The following L2HGDH variants were observed in gnomAD, a reference collection of about 807,000 sequenced individuals.
L2HGDH encodes L-2-hydroxyglutarate dehydrogenase.
A neutral mutation model predicts 51.5 loss-of-function variants in L2HGDH; 34 were observed. That is an observed-to-expected ratio of 0.66 (90% CI 0.50 to 0.88). The LOEUF (loss-of-function observed/expected upper bound fraction) is 0.88. Among genes scored for constraint, L2HGDH ranks in the 40% least tolerant of loss-of-function variants. L2HGDH has a pLI of 0.00. For synonymous variants in L2HGDH, 198 were observed against 197.9 expected (o/e 1.00, Z -0.01); for missense variants, 558 against 571.9 (o/e 0.98, Z 0.25).
Position 50,312,204 on chromosome 14 carries a change from A to C in L2HGDH, c.-54T>G. On this transcript the variant is annotated 5_prime_UTR_variant, in exon 1 of 10. Coordinates refer to ENST00000267436, the MANE Select transcript of L2HGDH (RefSeq NM_024884.3). ...CTCAGAAGAAGCCACTTGACCCTCC[A>C]CGGCCGAGGACCCGCGCTCTTTAGC... The C allele has an allele frequency of 3.1e-6, 5 of 1,596,102 alleles. No homozygotes were observed. The highest frequency in any genetic ancestry group is 4.3e-6 in the Non-Finnish European group (5 of 1,174,912).
intron 4 of L2HGDH, among the ~76,000 whole-genome samples, chr14:50,289,983 C>T (rs1471754395): frequency 6.6e-6 from 1 of 151,874 alleles, no homozygotes; most frequent in East Asian, 1.9e-4. Context: ...TCCCTTAAGT[C>T]GGCCAGGCGC....
intron 4 of L2HGDH, chr14:50,287,152 A>G (rs546291928): frequency 1.0e-6 from 1 of 979,068 alleles, no homozygotes; most frequent in Non-Finnish European, 1.2e-6. Context: ...TTACCTATGC[A>G]CACATATCTC....
intron 9 of L2HGDH, among the ~76,000 whole-genome samples, chr14:50,247,786 A>G (rs1177369995): frequency 2.0e-5 from 3 of 152,198 alleles, no homozygotes; most frequent in Non-Finnish European, 4.4e-5. Context: ...CTTGTTTTGC[A>G]GTTTGTTTTT....
intron 4 of L2HGDH, chr14:50,293,409 T>A (rs2029873600): frequency 7.4e-6 from 4 of 541,972 alleles, no homozygotes; most frequent in African/African-American, 3.8e-5. Flanking sequence ...ACATAGAATA[T>A]CTTCTAGACC....
rs2030499388 is a variant in L2HGDH at position 50,302,943 on chromosome 14, G to A, written c.215C>T (p.Pro72Leu). ...ASARALILRH[P>L]SLSIGVLEKE... ...TTCCAGAACACCAATAGAAAGTGAT[G>A]GATGTCGCAGGATGAGTGCTCTGGC... The change falls in exon 2 of 10, where the codon CCA becomes CTA. Residue 72 changes from proline to leucine, a missense_variant. By Grantham distance (98) the Pro-to-Leu change is moderately conservative. Transcript: ENST00000267436. The A allele has an allele frequency of 1.2e-6, 2 of 1,613,708 alleles. No homozygotes were observed. The highest frequency in any genetic ancestry group is 1.7e-6 in the Non-Finnish European group (2 of 1,179,760).
intron 3 of L2HGDH, among the ~76,000 whole-genome samples, chr14:50,299,125 G>A (rs2030255462): frequency 2.0e-5 from 3 of 151,896 alleles, no homozygotes; most frequent in African/African-American, 7.2e-5. Context: ...TAAAATCAGA[G>A]ATGAAAAAAG....
At chr14:50,283,778 A>AT in intron 5 of L2HGDH, 93 bp downstream of exon 5, 1 of 1,036,790 alleles carries the variant, frequency 9.6e-7, no homozygotes. Context: ...TTTCCCAAAT[A>AT]TTTTTCATCC....
intron 7 of L2HGDH, among the ~76,000 whole-genome samples, chr14:50,268,381 GAAAAAAAA>G (rs769880130): frequency 8.8e-5 from 6 of 67,924 alleles, no homozygotes; most frequent in Non-Finnish European, 1.2e-4. Flanking sequence ...TCTGTCTCAG[GAAAAAAAA>G]AAAAAAAAAA....
chr14:50,305,314 G>A lies in L2HGDH; in HGVS notation c.141-2297C>T, dbSNP rs148666340. 3.5e-3 allele frequency among the ~76,000 whole-genome samples: 527 copies of A among 152,302 alleles called. 3 individuals carry two copies. The highest frequency in any genetic ancestry group is 0.012 in the African/African-American group (489 of 41,552). ...TGAATGATGCCCACTTTTAAAAAGA[G>A]AGGGCATAAAAAGAGCAGCACAAGT... On this transcript the variant is annotated intron_variant, in intron 1 of 9. Coordinates refer to ENST00000267436, the MANE Select transcript of L2HGDH (RefSeq NM_024884.3).
At chr14:50,260,462 T>G (rs1477016514) in intron 9 of L2HGDH, among the ~76,000 whole-genome samples, 1 of 152,206 alleles carries the variant, frequency 6.6e-6, no homozygotes, top group African/African-American at 2.4e-5. Flanking sequence ...ATACGTTGAG[T>G]CACACATAAA....
chr14:50,304,662 C>T (rs188432821), intron 1 of L2HGDH, among the ~76,000 whole-genome samples: 1 of 152,208 alleles, frequency 6.6e-6, no homozygotes, highest in Admixed American at 6.5e-5. Context: ...GGTGAAACCC[C>T]ATCTCTACTA....
intron 4 of L2HGDH, among the ~76,000 whole-genome samples, chr14:50,284,453 C>T (rs1890450002): frequency 6.7e-6 from 1 of 149,972 alleles, no homozygotes. Flanking sequence ...ACTTTTTCTT[C>T]AGGTAATACA....
chr14:50,265,486 G>A lies in L2HGDH; in HGVS notation c.1068C>T (p.Gly356=). Reference sequence around the variant, plus strand: ...AATTCTGGGATGCCAGTTTAATCAAGCCACTGAAAACAGAGAAAAAAAATC... The same window carrying A: ...AATTCTGGGATGCCAGTTTAATCAAACCACTGAAAACAGAGAAAAAAAATC... ...TDVMDIIINS[G]LIKLASQNFS... is the part of the protein sequence containing the mutation. The change falls in exon 9 of 10, where the codon GGC becomes GGT. Residue 356 remains glycine, a synonymous_variant. Transcript: ENST00000267436. 1 of 1,612,288 alleles carries A rather than the reference G, an allele frequency of 6.2e-7. No homozygotes were observed. The highest frequency in any genetic ancestry group is 8.5e-7 in the Non-Finnish European group (1 of 1,178,924).
intron 4 of L2HGDH, among the ~76,000 whole-genome samples, chr14:50,284,561 T>C (rs553974863): frequency 6.6e-6 from 1 of 152,260 alleles, no homozygotes; most frequent in Non-Finnish European, 1.5e-5. Context: ...ATGACCTATA[T>C]AACACATGCT....
In L2HGDH at chr14:50,269,177, C is replaced by T. The variant is rs976981154; in HGVS notation, c.892G>A (p.Gly298Arg). 6.6e-7 allele frequency: 1 copy of T among 1,515,706 alleles called. No homozygotes were observed. Among genetic ancestry groups the T allele is most frequent in the African/African-American group, 1.4e-5 (1 of 71,516 alleles). 93.9% of individuals were successfully genotyped at this position (1,515,706 alleles called of 1,614,324 possible). A position where few individuals can be genotyped will look rare whatever the true frequency, so the allele number is the denominator to read the frequency against. ...TCATTACCTACCGGATAAATATTTC[C>T]TTTTACAAGATAACATTTTTCTGGC... ...LKPEKCYLVK[G>R]NIYPVPDSRF... Residue 298 changes from glycine (G) to arginine (R), a missense_variant, in exon 7 of 10, where the codon GGA becomes AGA. By Grantham distance (125) the Gly-to-Arg change is moderately radical. Transcript: ENST00000267436.
At chr14:50,280,454 C>T (rs1595107988) in intron 5 of L2HGDH, among the ~76,000 whole-genome samples, 4 of 152,082 alleles carry the variant, frequency 2.6e-5, no homozygotes, top group South Asian at 4.1e-4. Flanking sequence ...CGTGAGCCAA[C>T]GCGCCTCCCA....
At chr14:50,274,899 T>C (rs1163846905) in intron 6 of L2HGDH, among the ~76,000 whole-genome samples, 3 of 136,972 alleles carry the variant, frequency 2.2e-5, no homozygotes, top group African/African-American at 8.3e-5. Flanking sequence ...TGATCTCACT[T>C]ACATGTGAGA....
In L2HGDH at chr14:50,297,493, A is replaced by G. The variant is rs183276303; in HGVS notation, c.409-3247T>C. Reference sequence around the variant, plus strand: ...ATGCATTAGCAATGAATTATAAAAAATGAAAGTAGGAAAACAATTCTCCTC... The same window carrying G: ...ATGCATTAGCAATGAATTATAAAAAGTGAAAGTAGGAAAACAATTCTCCTC... On this transcript the variant is annotated intron_variant, in intron 3 of 9. Transcript: ENST00000267436. Among the ~76,000 whole-genome samples, 180 of 152,306 alleles carry G rather than the reference A, an allele frequency of 1.2e-3. 2 individuals are homozygous for G. The highest frequency in any genetic ancestry group is 9.8e-4 in the Admixed American group (15 of 15,298).
intron 9 of L2HGDH, among the ~76,000 whole-genome samples, chr14:50,261,840 A>G (rs1280716266): frequency 6.6e-6 from 1 of 152,148 alleles, no homozygotes; most frequent in Non-Finnish European, 1.5e-5. Flanking sequence ...AGTTTATCTA[A>G]TGCAAATATT....
Sources: gnomAD v4.1 joint callset for allele counts (sites outside exome capture counted in the v4.1 genomes callset) on GRCh38, gnomAD v4.1.1 for gene constraint, MANE v1.5 for transcripts, NCBI Gene and HGNC (gene_info 2026-07-23, HGNC 2026-07-21) for gene names.